TUSC3: variants seen among roughly 807,000 people sequenced by gnomAD.
The protein encoded by TUSC3 is tumor suppressor candidate 3.
In TUSC3, 45 loss-of-function variants were observed where a neutral mutation model predicts 44.8. That is an observed-to-expected ratio of 1.00 (90% CI 0.79 to 1.29). TUSC3 has a LOEUF of 1.29. TUSC3 is among the 50% of genes most tolerant of loss of function. The probability of loss-of-function intolerance (pLI) is 0.00; values close to 1 mark genes in which losing one functional copy is unlikely to be tolerated. For synonymous variants in TUSC3, 212 were observed against 152.9 expected (o/e 1.39, Z -2.85); for missense variants, 519 against 437.9 (o/e 1.19, Z -1.65).
chr8:15,835,682 A>T, the TUSC3 span, among the ~76,000 whole-genome samples: 9 of 152,092 alleles, frequency 5.9e-5, no homozygotes, highest in Non-Finnish European at 1.2e-4. Context: ...TATTTTTGGA[A>T]TGCTCTGTGC....
At chr8:15,459,440 TAAAG>T in intron 1 of TUSC3, among the ~76,000 whole-genome samples, 1 of 152,170 alleles carries the variant, frequency 6.6e-6, no homozygotes, top group Non-Finnish European at 1.5e-5. Context: ...ATTAGAAAAA[TAAAG>T]CAAGAATCCT....
At chr8:15,786,741 A>C in the TUSC3 span, among the ~76,000 whole-genome samples, 4 of 151,962 alleles carry the variant, frequency 2.6e-5, no homozygotes, top group African/African-American at 7.2e-5. Context: ...CAGGAGTTCA[A>C]GATCAGTATG....
intron 9 of TUSC3, among the ~76,000 whole-genome samples, chr8:15,756,373 C>T (rs990681824): frequency 3.3e-5 from 5 of 152,206 alleles, no homozygotes; most frequent in East Asian, 1.9e-4. Flanking sequence ...ATAATCAGTT[C>T]GTAGTCCCTG....
At chr8:15,758,147 C>A in intron 10 of TUSC3, 1 of 1,117,234 alleles carries the variant, frequency 9.0e-7, no homozygotes, top group South Asian at 3.3e-5. Context: ...TTTGTTATCA[C>A]TTAGGGAAAA....
At chr8:15,713,233 A>G (rs1446836140) in intron 6 of TUSC3, among the ~76,000 whole-genome samples, 1 of 152,124 alleles carries the variant, frequency 6.6e-6, no homozygotes, top group Non-Finnish European at 1.5e-5. Context: ...AGTGGTTTAC[A>G]GTTTTATGTG....
At chr8:15,755,627 A>C (rs532606466) in intron 9 of TUSC3, among the ~76,000 whole-genome samples, 1 of 152,070 alleles carries the variant, frequency 6.6e-6, no homozygotes, top group Non-Finnish European at 1.5e-5. Flanking sequence ...TAATTCACAA[A>C]AATGCAAAAT....
chr8:15,492,087 TG>T (rs1248058793), intron 2 of TUSC3, among the ~76,000 whole-genome samples: 1 of 152,196 alleles, frequency 6.6e-6, no homozygotes, highest in African/African-American at 2.4e-5. Context: ...CTGACTTATT[TG>T]TAAACCATTT....
intron 2 of TUSC3, among the ~76,000 whole-genome samples, chr8:15,633,196 C>G (rs865944554): frequency 2.0e-5 from 3 of 152,152 alleles, no homozygotes; most frequent in African/African-American, 7.2e-5. Flanking sequence ...CTCTCTTTCC[C>G]TCATTCCATA....
chr8:15,486,821 C>T (rs1248235727), intron 2 of TUSC3, among the ~76,000 whole-genome samples: 1 of 152,192 alleles, frequency 6.6e-6, no homozygotes, highest in Non-Finnish European at 1.5e-5. Context: ...ATTCCTTTCT[C>T]ATTGAAGCTA....
intron 2 of TUSC3, among the ~76,000 whole-genome samples, chr8:15,644,202 A>G (rs961278329): frequency 1.8e-4 from 27 of 152,298 alleles, no homozygotes; most frequent in Middle Eastern, 3.4e-3. Flanking sequence ...TAAAATATGG[A>G]GAAGATTTAC....
chr8:15,432,164 G>A (rs925253582), intron 1 of TUSC3, among the ~76,000 whole-genome samples: 1 of 152,004 alleles, frequency 6.6e-6, no homozygotes, highest in South Asian at 2.1e-4. Flanking sequence ...CAATCATCTG[G>A]AAGAGTTGAG....
intron 1 of TUSC3, among the ~76,000 whole-genome samples, chr8:15,475,141 G>A (rs1800558509): frequency 6.6e-6 from 1 of 152,052 alleles, no homozygotes; most frequent in African/African-American, 2.4e-5. Flanking sequence ...ATGCTCTGAG[G>A]CACCATGCTA....
intron 9 of TUSC3, among the ~76,000 whole-genome samples, chr8:15,751,212 T>G (rs2129219589): frequency 6.6e-6 from 1 of 152,060 alleles, no homozygotes; most frequent in East Asian, 1.9e-4. Flanking sequence ...TAATGGGAGG[T>G]TTATTGGAGA....
intron 5 of TUSC3, among the ~76,000 whole-genome samples, chr8:15,665,000 G>C (rs922760485): frequency 6.6e-5 from 10 of 151,298 alleles, no homozygotes; most frequent in African/African-American, 2.4e-4. Context: ...CTACTTTTGA[G>C]ATTTCCTTAG....
chr8:15,631,223 A>G (rs1805747841), intron 2 of TUSC3, among the ~76,000 whole-genome samples: 2 of 152,110 alleles, frequency 1.3e-5, no homozygotes, highest in South Asian at 4.1e-4. Flanking sequence ...CTGCTGAGCT[A>G]TGTAGTTTAA....
the TUSC3 span, among the ~76,000 whole-genome samples, chr8:15,845,645 G>C: frequency 6.6e-6 from 1 of 152,156 alleles, no homozygotes; most frequent in Non-Finnish European, 1.5e-5. Context: ...TTGTAGCCCT[G>C]AGTTGTCATT....
intron 1 of TUSC3, among the ~76,000 whole-genome samples, chr8:15,558,537 G>T (rs1802344491): frequency 1.4e-5 from 1 of 71,194 alleles, no homozygotes; most frequent in African/African-American, 4.0e-5. Flanking sequence ...AGTTAGGGAG[G>T]ATTCCCTCTT....
rs926891063 is a variant in TUSC3 at position 15,650,814 on chromosome 8, G to A, written c.426G>A (p.Gln142=). 1.2e-6 allele frequency: 2 copies of A among 1,611,942 alleles called. No homozygotes were observed. Among genetic ancestry groups the A allele is most frequent in the South Asian group, 1.1e-5 (1 of 91,030 alleles). The change falls in exon 3 of 11, where the codon CAG becomes CAA. Residue 142 remains glutamine, a splice_region_variant and synonymous_variant. Transcript: ENST00000503731. ...ATGAGGGGACAGACGTTTTTCAGCA[G>A]GTAAAGAGTTATATCGTATTCATAT... ...DYDEGTDVFQ[Q]LNMNSAPTFM... is the part of the protein sequence containing the mutation.
intron 6 of TUSC3, among the ~76,000 whole-genome samples, chr8:15,698,432 A>G (rs1337615034): frequency 1.3e-5 from 2 of 152,210 alleles, no homozygotes; most frequent in Non-Finnish European, 2.9e-5. Context: ...TTTTCAGTTT[A>G]TATACTTACT....
Sources: allele counts gnomAD v4.1 joint callset (sites outside exome capture counted in the v4.1 genomes callset), GRCh38; gene constraint gnomAD v4.1.1; transcripts MANE v1.5; gene names NCBI Gene and HGNC (gene_info 2026-07-23, HGNC 2026-07-21).